Variants in OPCML observed in about 807,000 individuals in gnomAD.
The protein encoded by OPCML is opioid binding protein/cell adhesion molecule like.
OPCML carries 13 observed loss-of-function variants against 37.8 expected under a neutral mutation model. The ratio of observed to expected loss-of-function variants is 0.34; its 90% CI spans 0.22 to 0.55. The LOEUF (loss-of-function observed/expected upper bound fraction) is 0.55, where lower values mean the gene tolerates loss of function less well. Among genes scored for constraint, OPCML ranks in the 20% least tolerant of loss-of-function variants. The pLI is 0.91. For synonymous variants in OPCML, 176 were observed against 168.8 expected (o/e 1.04, Z -0.33); for missense variants, 341 against 435.6 (o/e 0.78, Z 1.93).
intron 1 of OPCML, among the ~76,000 whole-genome samples, chr11:133,185,621 T>C (rs942172552): frequency 1.3e-5 from 2 of 152,154 alleles, no homozygotes; most frequent in Non-Finnish European, 2.9e-5. Context: ...AGGCAGAGAA[T>C]AGATGGGGTT....
chr11:133,512,372 TGGAA>T, intron 1 of OPCML, among the ~76,000 whole-genome samples: 1 of 152,346 alleles, frequency 6.6e-6, no homozygotes, highest in Middle Eastern at 3.4e-3. Context: ...AACAGCCAGA[TGGAA>T]GGAATGAATG....
At chr11:132,840,644 C>T (rs1349508632) in intron 2 of OPCML, among the ~76,000 whole-genome samples, 2 of 152,216 alleles carry the variant, frequency 1.3e-5, no homozygotes, top group Non-Finnish European at 2.9e-5. Flanking sequence ...AAATTATTAT[C>T]ACAAGGTTGC....
intron 2 of OPCML, among the ~76,000 whole-genome samples, chr11:132,699,063 G>A (rs1943707808): frequency 1.3e-5 from 2 of 151,466 alleles, no homozygotes; most frequent in African/African-American, 2.4e-5. Flanking sequence ...ATAGTTTTCA[G>A]TGTACAAGTC....
chr11:132,879,199 C>T lies in OPCML; in HGVS notation c.146+63727G>A, dbSNP rs546000564. Among the ~76,000 whole-genome samples the T allele has an allele frequency of 1.7e-4, 26 of 152,206 alleles. No individual in the cohort carries two copies. In the South Asian group the frequency reaches 4.1e-3, roughly 24 times the overall value. ...TACTATTTCACACATATTTATAGAG[C>T]GTCTACTATATGGCAGCCATTCTAG... is the stretch of plus-strand genomic sequence containing the variant. On this transcript the variant is annotated intron_variant, in intron 2 of 7. Coordinates refer to ENST00000524381, the MANE Select transcript of OPCML (RefSeq NM_001012393.5).
At chr11:133,035,557 G>A (rs1231600167) in intron 1 of OPCML, among the ~76,000 whole-genome samples, 2 of 152,312 alleles carry the variant, frequency 1.3e-5, no homozygotes, top group East Asian at 1.9e-4. Flanking sequence ...ATGTGGCACA[G>A]GCTAAGTGCC....
At chr11:132,544,943 G>C (rs2096365538) in intron 3 of OPCML, among the ~76,000 whole-genome samples, 1 of 152,126 alleles carries the variant, frequency 6.6e-6, no homozygotes, top group African/African-American at 2.4e-5. Context: ...CAGTTTTATA[G>C]GGATTCTCCA....
At chr11:132,761,054 T>C (rs756090690) in intron 2 of OPCML, among the ~76,000 whole-genome samples, 7 of 152,166 alleles carry the variant, frequency 4.6e-5, no homozygotes, top group Non-Finnish European at 1.0e-4. Context: ...CCTTTGCTTA[T>C]GAAGCTTAGT....
At chr11:132,848,002 G>T (rs1264313869) in intron 2 of OPCML, among the ~76,000 whole-genome samples, 1 of 152,182 alleles carries the variant, frequency 6.6e-6, no homozygotes, top group Admixed American at 6.5e-5. Flanking sequence ...GAGACACAGG[G>T]CAGATTGCCC....
At chr11:133,142,997 A>G (rs980795243) in intron 1 of OPCML, among the ~76,000 whole-genome samples, 8 of 152,148 alleles carry the variant, frequency 5.3e-5, no homozygotes, top group Non-Finnish European at 1.2e-4. Flanking sequence ...ATGTGGTTGG[A>G]TACCTGCAGT....
chr11:133,198,051 C>T (rs547387279), intron 1 of OPCML, among the ~76,000 whole-genome samples: 14 of 152,114 alleles, frequency 9.2e-5, no homozygotes, highest in Admixed American at 2.0e-4. Flanking sequence ...CACACTTCTA[C>T]GCTAGCAGAA....
intron 1 of OPCML, chr11:133,008,455 T>A: frequency 1.0e-6 from 1 of 981,570 alleles, no homozygotes; most frequent in Non-Finnish European, 1.2e-6. Context: ...GTAGATGCCA[T>A]GATGCAGTCC....
intron 2 of OPCML, among the ~76,000 whole-genome samples, chr11:132,914,751 A>C (rs1248150874): frequency 6.6e-6 from 1 of 152,168 alleles, no homozygotes; most frequent in African/African-American, 2.4e-5. Context: ...GGGAGACGGG[A>C]TGGGGATCCT....
chr11:132,572,459 C>A (rs753157372), intron 3 of OPCML, among the ~76,000 whole-genome samples: 3 of 151,946 alleles, frequency 2.0e-5, no homozygotes, highest in Admixed American at 2.0e-4. Flanking sequence ...CAATTTCATT[C>A]TTCTATATGT....
At chr11:132,742,832 T>C (rs534519082) in intron 2 of OPCML, among the ~76,000 whole-genome samples, 1 of 150,710 alleles carries the variant, frequency 6.6e-6, no homozygotes, top group African/African-American at 2.4e-5. Context: ...ATACTCATTA[T>C]ATATAATGTA....
rs575614499 is a variant in OPCML at position 133,137,347 on chromosome 11, T to A, written c.62-194337A>T. Among the ~76,000 whole-genome samples, 167 of 152,348 alleles carry A rather than the reference T, an allele frequency of 1.1e-3. 2 individuals are homozygous for A. The highest frequency in any genetic ancestry group is 4.6e-4 in the Non-Finnish European group (31 of 68,030). The stretch of plus-strand genomic sequence containing the variant: ...ATTTATATTTTAACTCTACTTAAAA[T>A]GGAGATTTTTACTTTTCTGCGGTTT... On this transcript the variant is annotated intron_variant, in intron 1 of 7. Transcript: ENST00000524381.
At chr11:132,512,956 C>T (rs10750507) in intron 4 of OPCML, among the ~76,000 whole-genome samples, 30,364 of 151,740 alleles carry the variant, frequency 0.2, 3,123 homozygotes, top group Non-Finnish European at 0.22. Flanking sequence ...CCAAAAGCTG[C>T]GGTAATTTAA....
At chr11:132,852,603 A>G (rs1327275348) in intron 2 of OPCML, among the ~76,000 whole-genome samples, 1 of 151,302 alleles carries the variant, frequency 6.6e-6, no homozygotes, top group Non-Finnish European at 1.5e-5. Context: ...ACGCCTGCGC[A>G]CAAAGGAGAA....
rs1473622155 is a variant in OPCML, at chr11:132,663,221, ACCTCCCAG to A, written c.147-5910_147-5903del. On this transcript the variant is annotated intron_variant, in intron 2 of 7. Coordinates refer to ENST00000524381, the MANE Select transcript of OPCML (RefSeq NM_001012393.5). ...AGTAACCATATTCAGTATCACCAGCACCTCCCAGCCTCTACCCAGGAGCTAGTAGGTCA... is the reference window on the plus strand; with the variant it reads ...AGTAACCATATTCAGTATCACCAGCACCTCTACCCAGGAGCTAGTAGGTCA... Among the ~76,000 whole-genome samples, 3 of 152,246 alleles carry A rather than the reference ACCTCCCAG, an allele frequency of 2.0e-5. No individual in the cohort carries two copies. In the East Asian group the frequency reaches 5.8e-4, roughly 29 times the overall value.
intron 1 of OPCML, chr11:133,024,337 T>A (rs1947508747): frequency 1.0e-6 from 1 of 985,070 alleles, no homozygotes; most frequent in Admixed American, 6.1e-5. Flanking sequence ...GGAAGTGCGT[T>A]CTTTACAGGT....
Sources: allele counts gnomAD v4.1 joint callset (sites outside exome capture counted in the v4.1 genomes callset), GRCh38; gene constraint gnomAD v4.1.1; transcripts MANE v1.5; gene names NCBI Gene and HGNC (gene_info 2026-07-23, HGNC 2026-07-21).